The following SLC6A3 variants were observed in gnomAD, a reference collection of about 807,000 sequenced individuals.
SLC6A3 encodes the protein solute carrier family 6 member 3, also known as sodium-dependent dopamine transporter.
Under a neutral mutation model 70.4 loss-of-function variants are expected in SLC6A3, and 19 were observed. That is an observed-to-expected ratio of 0.27 (90% CI 0.19 to 0.40). The LOEUF (loss-of-function observed/expected upper bound fraction) is 0.40, where lower values mean the gene tolerates loss of function less well. SLC6A3 is among the 10% of genes least tolerant of loss of function. SLC6A3 has a pLI of 1.00. For synonymous variants in SLC6A3, 368 were observed against 356.6 expected, an observed-to-expected ratio of 1.03 and a Z score of -0.36; for missense variants, 613 against 838.5, an observed-to-expected ratio of 0.73 and a Z score of 3.32.
At chr5:1,415,272 G>A (rs556153519) in intron 7 of SLC6A3, among the ~76,000 whole-genome samples, 10 of 152,152 alleles carry the variant, frequency 6.6e-5, no homozygotes, top group Non-Finnish European at 1.0e-4. Context: ...TGAGAAACCA[G>A]AGAGCTGGAG....
intron 4 of SLC6A3, among the ~76,000 whole-genome samples, chr5:1,422,755 C>T (rs1261634636): frequency 1.1e-5 from 1 of 89,274 alleles, no homozygotes; most frequent in Non-Finnish European, 2.1e-5. Flanking sequence ...CAGTGCTGCC[C>T]AAGGTGCTGG....
rs574743968 is a variant in SLC6A3 at position 1,394,494 on chromosome 5, G to A, written c.*241C>T. On this transcript the variant is annotated 3_prime_UTR_variant, in exon 15 of 15. Coordinates refer to ENST00000270349, the MANE Select transcript of SLC6A3 (RefSeq NM_001044.5). The surrounding 1 kb of genome is among the most constrained non-coding windows in gnomAD (Gnocchi z 4.7). ...TGCCCTGCAGGGACAACAACGGGGT[G>A]GACCTCGCTGCACAGATCTACGTCG... 6.5e-6 allele frequency: 4 copies of A among 619,968 alleles called. No individual in the cohort carries two copies. The Admixed American group carries it at 7.4e-5, about 11-fold the overall frequency. 38.4% of individuals were successfully genotyped at this position (619,968 alleles called of 1,614,324 possible).
At chr5:1,395,671 G>T (rs2550931) in intron 14 of SLC6A3, among the ~76,000 whole-genome samples, 1 of 152,210 alleles carries the variant, frequency 6.6e-6, no homozygotes, top group African/African-American at 2.4e-5. Context: ...GGGTCAGGGA[G>T]CCCGGCCAGG....
At position 1,408,500 on chromosome 5, in the gene SLC6A3, C is replaced by T. The variant is rs772747672; in HGVS notation, c.1498+526G>A. 2.6e-5 allele frequency among the ~76,000 whole-genome samples: 4 copies of T among 151,702 alleles called. No individual in the cohort carries two copies. Among genetic ancestry groups the T allele is most frequent in the Admixed American group, 6.6e-5 (1 of 15,234 alleles). On this transcript the variant is annotated intron_variant, in intron 11 of 14. Coordinates refer to ENST00000270349, the MANE Select transcript of SLC6A3 (RefSeq NM_001044.5). This position sits in a 1 kb window ranked among gnomAD's most constrained non-coding sequence, Gnocchi z 6.4. ...GGTCAGCATGTGGGGAAAGGGCAGCCCTGGCTCCAGGCTGGGTTTTCTGTT... is the reference window on the plus strand; with the variant it reads ...GGTCAGCATGTGGGGAAAGGGCAGCTCTGGCTCCAGGCTGGGTTTTCTGTT...
intron 4 of SLC6A3, among the ~76,000 whole-genome samples, chr5:1,424,398 A>G (rs1284244691): frequency 6.6e-6 from 1 of 152,076 alleles, no homozygotes; most frequent in African/African-American, 2.4e-5. Context: ...TCCCCCAGCA[A>G]GGTCTCATCA....
intron 7 of SLC6A3, among the ~76,000 whole-genome samples, 163 bp downstream of exon 7, chr5:1,415,935 G>A (rs1376763695): frequency 6.6e-6 from 1 of 152,218 alleles, no homozygotes; most frequent in Non-Finnish European, 1.5e-5. Context: ...AATCGTGTTG[G>A]GAGCTGCCTC....
chr5:1,423,164 G>A (rs1415504180), intron 4 of SLC6A3, among the ~76,000 whole-genome samples: 1 of 108,982 alleles, frequency 9.2e-6, no homozygotes, highest in Non-Finnish European at 1.8e-5. Context: ...CCACAGTGCT[G>A]CCCACGCTGC....
At position 1,402,808 on chromosome 5, in the gene SLC6A3, C is replaced by G; in HGVS notation, c.1767+114G>C. On this transcript the variant is annotated intron_variant, in intron 13 of 14. Transcript: ENST00000270349. The surrounding 1 kb of genome is among the most constrained non-coding windows in gnomAD (Gnocchi z 8.5). ...CAGTGTTGTGGTGGCCACCTCCAGTCTCCTCCTCTTGGTCACAGATGACCC... is the reference window on the plus strand; with the variant it reads ...CAGTGTTGTGGTGGCCACCTCCAGTGTCCTCCTCTTGGTCACAGATGACCC... The G allele has an allele frequency of 2.7e-6, 3 of 1,097,944 alleles. No individual in the cohort carries two copies. The highest frequency in any genetic ancestry group is 2.7e-6 in the Non-Finnish European group (2 of 735,450). The allele number at this position is 1,097,944 out of a possible 1,614,324, so 68.0% of individuals were successfully genotyped here. A position where few individuals can be genotyped will look rare whatever the true frequency, so the allele number is the denominator to read the frequency against.
At position 1,437,204 on chromosome 5, in the gene SLC6A3, T is replaced by C. The variant is rs1193947786; in HGVS notation, c.418+4155A>G. The stretch of plus-strand genomic sequence containing the variant: ...ACGCGCAGGTGACAGTGAGCCAAGA[T>C]CGCGCCTTTGCACTCCAGCCTGGTG... On this transcript the variant is annotated intron_variant, in intron 3 of 14. Transcript: ENST00000270349. This position sits in a 1 kb window ranked among gnomAD's most constrained non-coding sequence, Gnocchi z 4.8. Among the ~76,000 whole-genome samples, 1 of 147,134 alleles carries C rather than the reference T, an allele frequency of 6.8e-6. No homozygotes were observed. The highest frequency in any genetic ancestry group is 2.5e-5 in the African/African-American group (1 of 39,440).
Position 1,443,936 on chromosome 5 carries a change from G to A in SLC6A3, c.-45-694C>T, listed in dbSNP as rs550049322. 5.3e-5 allele frequency among the ~76,000 whole-genome samples: 8 copies of A among 152,190 alleles called. No individual in the cohort carries two copies. The South Asian group carries it at 6.2e-4, about 12-fold the overall frequency. ...TGGTTTTGAACTCCTGGTCTCAAGCGATCCTCCTGCCTCAGCCTCCCAAAG... is the reference window on the plus strand; with the variant it reads ...TGGTTTTGAACTCCTGGTCTCAAGCAATCCTCCTGCCTCAGCCTCCCAAAG... On this transcript the variant is annotated intron_variant, in intron 1 of 14. Transcript: ENST00000270349.
chr5:1,434,523 T>A (rs1350433756), intron 3 of SLC6A3, among the ~76,000 whole-genome samples: 1 of 152,242 alleles, frequency 6.6e-6, no homozygotes, highest in Non-Finnish European at 1.5e-5. Flanking sequence ...GGTGGGCAGA[T>A]GGGCCTGGTG....
intron 6 of SLC6A3, among the ~76,000 whole-genome samples, chr5:1,417,292 G>C (rs951558181): frequency 6.6e-6 from 1 of 151,920 alleles, no homozygotes; most frequent in East Asian, 1.9e-4. Context: ...CATGATGGTG[G>C]CGCCCTGACA....
At chr5:1,429,109 C>T (rs982943996) in intron 4 of SLC6A3, among the ~76,000 whole-genome samples, 34 of 152,154 alleles carry the variant, frequency 2.2e-4, no homozygotes, top group African/African-American at 7.0e-4. Context: ...GGCAGGAACC[C>T]GACATCCTTT....
chr5:1,399,028 G>A, intron 14 of SLC6A3, among the ~76,000 whole-genome samples: 1 of 152,196 alleles, frequency 6.6e-6, no homozygotes, highest in East Asian at 1.9e-4. Flanking sequence ...TTGACAATTA[G>A]AGAATAGCAC....
chr5:1,414,516 G>GGGGCCGGGAGGGGCAGGGC, intron 8 of SLC6A3, among the ~76,000 whole-genome samples, 175 bp downstream of exon 8: 1 of 151,546 alleles, frequency 6.6e-6, no homozygotes. Flanking sequence ...CGCTGGGTGG[G>GGGGCCGGGAGGGGCAGGGC]GGCAGGTCTG....
At position 1,413,930 on chromosome 5, in the gene SLC6A3, C is replaced by T. The variant is rs1415247762; in HGVS notation, c.1156+761G>A. ...CGGCTCCATCCTGCCTGGCACACTT[C>T]TTGCTGTGGCCAAGGCCTCCCCCCA... On this transcript the variant is annotated intron_variant, in intron 8 of 14. Transcript: ENST00000270349. The surrounding 1 kb of genome is among the most constrained non-coding windows in gnomAD (Gnocchi z 7.1). Among the ~76,000 whole-genome samples, 1 of 152,230 alleles carries T rather than the reference C, an allele frequency of 6.6e-6. No homozygotes were observed. The highest frequency in any genetic ancestry group is 2.4e-5 in the African/African-American group (1 of 41,466).
At position 1,413,268 on chromosome 5, in the gene SLC6A3, C is replaced by T. The variant is rs949494800; in HGVS notation, c.1156+1423G>A. 6.6e-6 allele frequency among the ~76,000 whole-genome samples: 1 copy of T among 152,218 alleles called. No individual in the cohort carries two copies. Among genetic ancestry groups the T allele is most frequent in the Admixed American group, 6.5e-5 (1 of 15,288 alleles). ...TTATTTGCAGATGTTCCCTTTCTCC[C>T]GCTTTGACTGAATTTTTTTTCCTAG... On this transcript the variant is annotated intron_variant, in intron 8 of 14. Transcript: ENST00000270349. This position sits in a 1 kb window ranked among gnomAD's most constrained non-coding sequence, Gnocchi z 7.1.
At chr5:1,399,522 G>A (rs1214965308) in intron 14 of SLC6A3, among the ~76,000 whole-genome samples, 3 of 152,224 alleles carry the variant, frequency 2.0e-5, no homozygotes, top group African/African-American at 4.8e-5. Flanking sequence ...CTCACATGAA[G>A]TCAAAGTTGG....
At chr5:1,432,756 G>A in intron 3 of SLC6A3, 58 bp from the exon 4 acceptor site, 3 of 1,227,220 alleles carry the variant, frequency 2.4e-6, no homozygotes, top group Non-Finnish European at 3.6e-6. Context: ...GCCACCATCA[G>A]CAACGTGTCC....
Sources: gnomAD v4.1 joint callset for allele counts (sites outside exome capture counted in the v4.1 genomes callset) on GRCh38, gnomAD v4.1.1 for gene constraint, Gnocchi (gnomAD v3.1) non-coding constraint, MANE v1.5 for transcripts, NCBI Gene and HGNC (gene_info 2026-07-23, HGNC 2026-07-21) for gene names.